Variants in PRICKLE2 observed in about 807,000 individuals in gnomAD.
The protein encoded by PRICKLE2 is prickle-like protein 2.
A neutral mutation model predicts 81.4 loss-of-function variants in PRICKLE2; 21 were observed. The observed-to-expected ratio is 0.26, with a 90% CI of 0.18 to 0.37. The LOEUF (loss-of-function observed/expected upper bound fraction) is 0.37, where lower values mean the gene tolerates loss of function less well. Among genes scored for constraint, PRICKLE2 ranks in the 10% least tolerant of loss-of-function variants. The pLI, the probability that PRICKLE2 is intolerant of heterozygous loss-of-function variation, is 1.00. For synonymous variants in PRICKLE2, 456 were observed against 421.5 expected (o/e 1.08, Z -1.00); for missense variants, 940 against 1,109.0 (o/e 0.85, Z 2.16).
intron 2 of PRICKLE2, among the ~76,000 whole-genome samples, chr3:64,193,083 T>A (rs2078376257): frequency 6.6e-6 from 1 of 152,154 alleles, no homozygotes; most frequent in Admixed American, 6.5e-5. Context: ...TTAGAGAAGC[T>A]TACACATGAC....
intron 2 of PRICKLE2, among the ~76,000 whole-genome samples, chr3:64,184,446 C>A (rs2078186188): frequency 1.3e-5 from 2 of 152,130 alleles, no homozygotes; most frequent in African/African-American, 4.8e-5. Context: ...TTCAGCAGAG[C>A]TGTTTCTTTT....
intron 1 of PRICKLE2, among the ~76,000 whole-genome samples, 199 bp downstream of exon 1, chr3:64,224,711 A>G (rs2079007129): frequency 2.0e-5 from 3 of 152,178 alleles, no homozygotes; most frequent in Admixed American, 6.5e-5. Flanking sequence ...GAGCTGTGAC[A>G]TAACACTTTG....
chr3:64,160,758 G>A (rs899315296), intron 3 of PRICKLE2, among the ~76,000 whole-genome samples: 2 of 152,132 alleles, frequency 1.3e-5, no homozygotes, highest in African/African-American at 4.8e-5. Context: ...ATTAAAGGAG[G>A]AACATTAAAG....
At chr3:64,155,673 T>A (rs1158035161) in intron 5 of PRICKLE2, among the ~76,000 whole-genome samples, 1 of 152,216 alleles carries the variant, frequency 6.6e-6, no homozygotes, top group Non-Finnish European at 1.5e-5. Context: ...GATACATACA[T>A]ACAACTGAAT....
At chr3:64,110,123 C>T (rs933757324) in intron 7 of PRICKLE2, among the ~76,000 whole-genome samples, 4 of 152,196 alleles carry the variant, frequency 2.6e-5, no homozygotes, top group African/African-American at 9.7e-5. Context: ...GGTTGTATTG[C>T]CACAAAGCAT....
intron 7 of PRICKLE2, chr3:64,104,653 C>A (rs1055678705): frequency 6.6e-6 from 1 of 152,162 alleles, no homozygotes; most frequent in South Asian, 2.1e-4. Flanking sequence ...TGAGGCACCC[C>A]CTTGAAAAAC....
chr3:64,118,336 T>C (rs2076971424), intron 7 of PRICKLE2, among the ~76,000 whole-genome samples: 1 of 151,994 alleles, frequency 6.6e-6, no homozygotes, highest in Admixed American at 6.6e-5. Flanking sequence ...AAAGCAAAAA[T>C]TGACAAATGG....
chr3:64,109,581 C>G (rs2076811195), intron 7 of PRICKLE2, among the ~76,000 whole-genome samples: 1 of 151,732 alleles, frequency 6.6e-6, no homozygotes, highest in South Asian at 2.1e-4. Flanking sequence ...AGGCCAAGCC[C>G]TGGGGCAGGG....
intron 2 of PRICKLE2, among the ~76,000 whole-genome samples, chr3:64,250,947 C>A (rs979173798): frequency 6.6e-6 from 1 of 152,198 alleles, no homozygotes; most frequent in East Asian, 1.9e-4. Flanking sequence ...TTTGCAGGAG[C>A]ACCCTCAGCC....
chr3:64,254,390 C>T (rs2079495086), intron 2 of PRICKLE2, among the ~76,000 whole-genome samples: 1 of 152,100 alleles, frequency 6.6e-6, no homozygotes, highest in African/African-American at 2.4e-5. Flanking sequence ...GTTCCTGTCT[C>T]CCAAGGCGAC....
At chr3:64,182,780 T>C (rs2078158103) in intron 2 of PRICKLE2, 1 of 152,050 alleles carries the variant, frequency 6.6e-6, no homozygotes, top group Non-Finnish European at 1.5e-5. Context: ...AAGGATCCAG[T>C]GTGGCTGGAT....
chr3:64,246,815 T>C (rs1343921388), intron 2 of PRICKLE2, among the ~76,000 whole-genome samples: 1 of 152,238 alleles, frequency 6.6e-6, no homozygotes, highest in Admixed American at 6.5e-5. Flanking sequence ...CTTTGCTACA[T>C]GTCTGCCTTC....
chr3:64,166,359 T>C (rs2077833031), intron 2 of PRICKLE2, among the ~76,000 whole-genome samples: 1 of 152,140 alleles, frequency 6.6e-6, no homozygotes, highest in Admixed American at 6.5e-5. Flanking sequence ...CTTTGAAAAC[T>C]GGAGAATAAA....
At chr3:64,130,855 G>A (rs2077186952) in intron 7 of PRICKLE2, among the ~76,000 whole-genome samples, 1 of 152,216 alleles carries the variant, frequency 6.6e-6, no homozygotes, top group Non-Finnish European at 1.5e-5. Flanking sequence ...GACTCCAAGT[G>A]TGGCCAAAGT....
intron 2 of PRICKLE2, among the ~76,000 whole-genome samples, chr3:64,262,281 G>T (rs1490444776): frequency 6.6e-6 from 1 of 152,092 alleles, no homozygotes; most frequent in Non-Finnish European, 1.5e-5. Context: ...TGGGGAGAGG[G>T]TAAGAGAAAG....
chr3:64,173,307 G>A (rs1055429262), intron 2 of PRICKLE2, among the ~76,000 whole-genome samples: 5 of 152,094 alleles, frequency 3.3e-5, no homozygotes, highest in Non-Finnish European at 5.9e-5. Context: ...TGATGTCATC[G>A]GATGTGGAAC....
intron 7 of PRICKLE2, among the ~76,000 whole-genome samples, chr3:64,127,699 C>T (rs540332604): frequency 1.8e-4 from 27 of 151,966 alleles, no homozygotes; most frequent in African/African-American, 6.5e-4. Flanking sequence ...GCATCCTCAG[C>T]CCTTCCTGAG....
At chr3:64,129,051 C>G (rs1423526020) in intron 7 of PRICKLE2, among the ~76,000 whole-genome samples, 1 of 152,076 alleles carries the variant, frequency 6.6e-6, no homozygotes, top group Admixed American at 6.6e-5. Flanking sequence ...CAGTAGCATC[C>G]AATTCTCTCT....
intron 7 of PRICKLE2, among the ~76,000 whole-genome samples, chr3:64,143,083 T>A (rs2077389089): frequency 6.6e-6 from 1 of 152,152 alleles, no homozygotes; most frequent in Non-Finnish European, 1.5e-5. Context: ...ATCGTGCCCA[T>A]CTTATCAGTT....
Sources: gnomAD v4.1 joint callset for allele counts (sites outside exome capture counted in the v4.1 genomes callset) on GRCh38, gnomAD v4.1.1 for gene constraint, MANE v1.5 for transcripts, NCBI Gene and HGNC (gene_info 2026-07-23, HGNC 2026-07-21) for gene names.